CEP83: variants seen among roughly 807,000 people sequenced by gnomAD.
CEP83 encodes the protein centrosomal protein 83, also known as centrosomal protein of 83 kDa.
In CEP83, 70 loss-of-function variants were observed where a neutral mutation model predicts 101.9. The ratio of observed to expected loss-of-function variants is 0.69; its 90% CI spans 0.57 to 0.84. The LOEUF is 0.84. Ranked by LOEUF, CEP83 falls within the 40% of genes least tolerant of loss-of-function variation. The probability of loss-of-function intolerance (pLI) is 0.00; values close to 1 mark genes in which losing one functional copy is unlikely to be tolerated. For synonymous variants in CEP83, 264 were observed against 267.9 expected (o/e 0.99, Z 0.14); for missense variants, 715 against 787.2 (o/e 0.91, Z 1.10).
At chr12:94,323,977 T>C (rs1203667905) in intron 14 of CEP83, among the ~76,000 whole-genome samples, 1 of 152,234 alleles carries the variant, frequency 6.6e-6, no homozygotes, top group Non-Finnish European at 1.5e-5. Context: ...GGGTGTTGAA[T>C]TACACTGAAC....
At chr12:94,322,631 A>T (rs1363792053) in intron 14 of CEP83, among the ~76,000 whole-genome samples, 1 of 152,122 alleles carries the variant, frequency 6.6e-6, no homozygotes, top group African/African-American at 2.4e-5. Context: ...ATGGTTGTAG[A>T]CCTCAGTCGG....
chr12:94,375,724 C>G (rs1227725972), intron 8 of CEP83, among the ~76,000 whole-genome samples, 162 bp downstream of exon 8: 7 of 151,996 alleles, frequency 4.6e-5, no homozygotes, highest in Non-Finnish European at 8.8e-5. Context: ...GAAATAGAGG[C>G]ATAAGATAAC....
the CEP83 span, among the ~76,000 whole-genome samples, chr12:94,289,274 C>G: frequency 2.0e-5 from 3 of 152,186 alleles, no homozygotes; most frequent in African/African-American, 2.4e-5. Context: ...ACTTCTCATT[C>G]TAATGATGGG....
chr12:94,406,649 A>T (rs899096035), intron 4 of CEP83, among the ~76,000 whole-genome samples: 1 of 152,168 alleles, frequency 6.6e-6, no homozygotes, highest in African/African-American at 2.4e-5. Flanking sequence ...AGGCCGGGCA[A>T]GGTGGCTCAC....
chr12:94,303,970 C>A (rs1054845100), downstream of CEP83: 5 of 1,605,022 alleles, frequency 3.1e-6, no homozygotes, highest in Non-Finnish European at 4.3e-6. Context: ...ACAAGTCTTT[C>A]TTTTAGAAAC....
chr12:94,460,050 G>A (rs1364607399), upstream of CEP83: 1 of 152,384 alleles, frequency 6.6e-6, no homozygotes, highest in East Asian at 1.9e-4. Flanking sequence ...AGAGGGAGGA[G>A]ACAAACGAAC....
At chr12:94,407,635 T>A (rs2063623287) in intron 4 of CEP83, among the ~76,000 whole-genome samples, 1 of 152,048 alleles carries the variant, frequency 6.6e-6, no homozygotes, top group Non-Finnish European at 1.5e-5. Flanking sequence ...TCTTACCTCC[T>A]AGGAATCTTA....
intron 1 of CEP83, among the ~76,000 whole-genome samples, chr12:94,441,433 A>C (rs1298061090): frequency 6.6e-6 from 1 of 152,224 alleles, no homozygotes; most frequent in Non-Finnish European, 1.5e-5. Flanking sequence ...GTTCAACATC[A>C]CTATCAGGGA....
the CEP83 span, among the ~76,000 whole-genome samples, chr12:94,284,192 G>A: frequency 6.6e-6 from 1 of 151,952 alleles, no homozygotes; most frequent in South Asian, 2.1e-4. Flanking sequence ...GGGAGAGTCA[G>A]AATCTTGTAG....
intron 4 of CEP83, among the ~76,000 whole-genome samples, chr12:94,403,941 G>A (rs909207007): frequency 1.3e-5 from 2 of 151,008 alleles, no homozygotes; most frequent in South Asian, 4.2e-4. Flanking sequence ...AAATGATAAT[G>A]TTCAGTTTCC....
intron 11 of CEP83, among the ~76,000 whole-genome samples, chr12:94,357,393 G>A (rs1329429335): frequency 6.6e-6 from 1 of 152,094 alleles, no homozygotes; most frequent in Non-Finnish European, 1.5e-5. Flanking sequence ...CCACCAGATA[G>A]GGGAAAAAAG....
chr12:94,403,125 G>T, intron 5 of CEP83, 45 bp downstream of exon 5: 3 of 979,866 alleles, frequency 3.1e-6, no homozygotes, highest in South Asian at 1.3e-5. Flanking sequence ...TCAAGACTTT[G>T]ATCCCATGAG....
chr12:94,401,050 C>A, intron 5 of CEP83, 69 bp from the exon 6 acceptor site: 3 of 826,958 alleles, frequency 3.6e-6, no homozygotes, highest in Non-Finnish European at 5.1e-6. Flanking sequence ...GTCACTTTTA[C>A]AAATATAATT....
At chr12:94,286,805 C>T in the CEP83 span, among the ~76,000 whole-genome samples, 1 of 152,162 alleles carries the variant, frequency 6.6e-6, no homozygotes, top group South Asian at 2.1e-4. Context: ...CCTGTTTCTT[C>T]TTTCCTTGTC....
chr12:94,456,178 T>G (rs1245420754), intron 1 of CEP83, among the ~76,000 whole-genome samples: 1 of 152,150 alleles, frequency 6.6e-6, no homozygotes, highest in African/African-American at 2.4e-5. Flanking sequence ...ACCAGGAAAT[T>G]GACCAAACTC....
intron 1 of CEP83, among the ~76,000 whole-genome samples, chr12:94,455,393 T>A (rs1214400528): frequency 6.6e-6 from 1 of 152,232 alleles, no homozygotes; most frequent in Non-Finnish European, 1.5e-5. Context: ...ACTGCAATTG[T>A]GTTACTGGGC....
intron 2 of CEP83, among the ~76,000 whole-genome samples, chr12:94,414,853 T>C (rs992877285): frequency 6.6e-6 from 1 of 152,180 alleles, no homozygotes; most frequent in African/African-American, 2.4e-5. Context: ...TTATAAAATG[T>C]TGATATGTGA....
intron 11 of CEP83, among the ~76,000 whole-genome samples, chr12:94,365,376 CT>C (rs1289441739): frequency 6.6e-6 from 1 of 152,108 alleles, no homozygotes; most frequent in Non-Finnish European, 1.5e-5. Context: ...TATGATTTAC[CT>C]TTTGACCCAC....
chr12:94,456,612 G>GA (rs1324703365), intron 1 of CEP83, among the ~76,000 whole-genome samples: 1 of 152,204 alleles, frequency 6.6e-6, no homozygotes, highest in Non-Finnish European at 1.5e-5. Context: ...GCAGGAAGGA[G>GA]AATGAATGCA....
Sources: allele counts gnomAD v4.1 joint callset (sites outside exome capture counted in the v4.1 genomes callset), GRCh38; gene constraint gnomAD v4.1.1; transcripts MANE v1.5; gene names NCBI Gene and HGNC (gene_info 2026-07-23, HGNC 2026-07-21).